FBXW4: variants seen among roughly 807,000 people sequenced by gnomAD.
FBXW4 encodes the protein F-box and WD repeat domain containing 4.
FBXW4 carries 40 observed loss-of-function variants against 61.8 expected under a neutral mutation model. The ratio of observed to expected loss-of-function variants is 0.65; its 90% confidence interval spans 0.50 to 0.84. The LOEUF (loss-of-function observed/expected upper bound fraction) is 0.84, where lower values mean the gene tolerates loss of function less well. FBXW4 is among the 40% of genes least tolerant of loss of function. FBXW4 has a pLI of 0.00. For synonymous variants in FBXW4, 311 were observed against 313.8 expected (o/e 0.99, Z 0.10); for missense variants, 672 against 753.8 (o/e 0.89, Z 1.27).
chr10:101,618,489 C>T (rs2063842869), intron 6 of FBXW4, among the ~76,000 whole-genome samples: 1 of 152,150 alleles, frequency 6.6e-6, no homozygotes. Context: ...GGGTGAGAAG[C>T]CTATTCTGCC....
chr10:101,638,831 C>G (rs1302602108), intron 5 of FBXW4, among the ~76,000 whole-genome samples: 3 of 152,180 alleles, frequency 2.0e-5, no homozygotes, highest in African/African-American at 7.2e-5. Context: ...AGCCTGGGAA[C>G]AGCTGCCTAT....
chr10:101,611,203 G>C lies in FBXW4; in HGVS notation c.*88C>G. On this transcript the variant is annotated 3_prime_UTR_variant, in exon 9 of 9. Transcript: ENST00000331272. This position sits in a 1 kb window ranked among gnomAD's most constrained non-coding sequence, Gnocchi z 4.9. ...AGGCCCAGGAGCACAGTGGGGCAGT[G>C]AGGAGGAGCTATCACTGCACCCTCC... 6.6e-7 allele frequency: 1 copy of C among 1,515,976 alleles called. No individual in the cohort carries two copies. The highest frequency in any genetic ancestry group is 8.9e-7 in the Non-Finnish European group (1 of 1,118,332). The allele number at this position is 1,515,976 out of a possible 1,614,324, so 93.9% of individuals were successfully genotyped here.
chr10:101,646,019 A>C (rs546246900), intron 5 of FBXW4, among the ~76,000 whole-genome samples: 1 of 152,332 alleles, frequency 6.6e-6, no homozygotes, highest in African/African-American at 2.4e-5. Context: ...AGTGGTCAGC[A>C]TAGTGCCTGG....
At chr10:101,646,788 C>T (rs6584436) in intron 5 of FBXW4, among the ~76,000 whole-genome samples, 147,731 of 152,286 alleles carry the variant, frequency 0.97, 71,817 homozygotes, top group East Asian at 1. Context: ...CATTTTGGTT[C>T]TGGGGTATTT....
intron 5 of FBXW4, among the ~76,000 whole-genome samples, chr10:101,638,001 T>C (rs1234941251): frequency 1.3e-5 from 2 of 152,182 alleles, no homozygotes; most frequent in Non-Finnish European, 2.9e-5. Flanking sequence ...GTACACACTG[T>C]TTGCGGGTAT....
At chr10:101,678,814 G>C (rs1400016360) in intron 1 of FBXW4, among the ~76,000 whole-genome samples, 1 of 152,194 alleles carries the variant, frequency 6.6e-6, no homozygotes, top group Non-Finnish European at 1.5e-5. Context: ...CAGCTTTCAA[G>C]ATTCTAATGG....
intron 5 of FBXW4, among the ~76,000 whole-genome samples, chr10:101,652,339 T>C (rs2134862009): frequency 6.6e-6 from 1 of 152,360 alleles, no homozygotes; most frequent in Admixed American, 6.5e-5. Context: ...AGTAGCTTTT[T>C]TCTTGATTCT....
chr10:101,628,375 CT>C (rs1452237869), intron 5 of FBXW4, among the ~76,000 whole-genome samples: 5 of 152,186 alleles, frequency 3.3e-5, no homozygotes, highest in Non-Finnish European at 4.4e-5. Context: ...CCTTCTAGTC[CT>C]TTCCATACTC....
chr10:101,692,746 C>CA (rs61631625), intron 1 of FBXW4, among the ~76,000 whole-genome samples: 50,721 of 85,476 alleles, frequency 0.59, 14,187 homozygotes, highest in East Asian at 0.73. Flanking sequence ...AACTCCGTCT[C>CA]AAAAAAAAAA....
intron 5 of FBXW4, among the ~76,000 whole-genome samples, chr10:101,633,950 T>A (rs978486474): frequency 4.6e-5 from 7 of 151,364 alleles, no homozygotes; most frequent in South Asian, 2.1e-4. Flanking sequence ...TACTAAAAAA[T>A]ATATATATAT....
chr10:101,682,405 A>G (rs1364150198), intron 1 of FBXW4, among the ~76,000 whole-genome samples: 1 of 151,672 alleles, frequency 6.6e-6, no homozygotes, highest in Non-Finnish European at 1.5e-5. Flanking sequence ...GGCCAAAGGA[A>G]CTGAAATCTA....
At position 101,663,026 on chromosome 10, in the gene FBXW4, T is replaced by C. The variant is rs2064260854; in HGVS notation, c.1235+4860A>G. 3.3e-5 allele frequency among the ~76,000 whole-genome samples: 5 copies of C among 152,294 alleles called. No homozygotes were observed. In the South Asian group the frequency reaches 1.0e-3, roughly 32 times the overall value. On this transcript the variant is annotated intron_variant, in intron 5 of 8. Coordinates refer to ENST00000331272, the MANE Select transcript of FBXW4 (RefSeq NM_022039.4). The stretch of plus-strand genomic sequence containing the variant: ...AGCTACCATCCAAGATGCTGGTGAA[T>C]AAGGCACAGCAATGACAAAAGGCCT...
At chr10:101,636,859 G>T (rs1209713908) in intron 5 of FBXW4, among the ~76,000 whole-genome samples, 1 of 151,844 alleles carries the variant, frequency 6.6e-6, no homozygotes, top group Admixed American at 6.6e-5. Flanking sequence ...AAAGTGCTGG[G>T]ATTACAGGCA....
At chr10:101,670,402 T>C (rs1430057498) in intron 4 of FBXW4, among the ~76,000 whole-genome samples, 3 of 152,208 alleles carry the variant, frequency 2.0e-5, no homozygotes, top group South Asian at 4.1e-4. Context: ...GAGATAAGTA[T>C]AAGGCATCTA....
intron 1 of FBXW4, 85 bp from the exon 2 acceptor site, chr10:101,676,521 CA>C: frequency 2.0e-6 from 2 of 998,516 alleles, no homozygotes; most frequent in Non-Finnish European, 1.5e-6. Context: ...AGTCAGGATT[CA>C]GGAGCATCCA....
chr10:101,650,245 C>A (rs1023328401), intron 5 of FBXW4, among the ~76,000 whole-genome samples: 1 of 152,202 alleles, frequency 6.6e-6, no homozygotes, highest in Admixed American at 6.5e-5. Flanking sequence ...TCCACTTAGG[C>A]CCTAGTTCCT....
At chr10:101,633,891 A>T (rs1025760239) in intron 5 of FBXW4, among the ~76,000 whole-genome samples, 1 of 152,126 alleles carries the variant, frequency 6.6e-6, no homozygotes, top group Non-Finnish European at 1.5e-5. Flanking sequence ...GGGGTGGATC[A>T]CCCAAGTTCA....
At position 101,611,751 on chromosome 10, in the gene FBXW4, C is replaced by G. The variant is rs775126719; in HGVS notation, c.1461G>C (p.Trp487Cys). The G allele has an allele frequency of 1.2e-6, 2 of 1,613,974 alleles. No homozygotes were observed. Among genetic ancestry groups the G allele is most frequent in the Non-Finnish European group, 1.7e-6 (2 of 1,179,954 alleles). Residue 487 changes from tryptophan (W) to cysteine (C), a missense_variant, in exon 8 of 9, where the codon TGG becomes TGC. Coordinates refer to ENST00000331272, the MANE Select transcript of FBXW4 (RefSeq NM_022039.4). The surrounding 1 kb of genome is among the most constrained non-coding windows in gnomAD (Gnocchi z 4.9). ...RTSVRKCVMEWEEPHDSTLYC... is the reference protein window; with the variant it reads ...RTSVRKCVMECEEPHDSTLYC... ...ACAGGGTGCTGTCGTGGGGCTCCTCCCACTCCATGACACATTTCCTGTCCA... is the reference window on the plus strand; with the variant it reads ...ACAGGGTGCTGTCGTGGGGCTCCTCGCACTCCATGACACATTTCCTGTCCA...
At chr10:101,660,204 CCTGA>C in intron 5 of FBXW4, 1 of 985,334 alleles carries the variant, frequency 1.0e-6, no homozygotes, top group Non-Finnish European at 1.2e-6. Context: ...ACACCGACAT[CCTGA>C]CTATTACATC....
Sources: allele counts gnomAD v4.1 joint callset (sites outside exome capture counted in the v4.1 genomes callset), GRCh38; gene constraint gnomAD v4.1.1; non-coding constraint Gnocchi (gnomAD v3.1); transcripts MANE v1.5; gene names NCBI Gene and HGNC (gene_info 2026-07-23, HGNC 2026-07-21).